The following TCF12 variants were observed in gnomAD, a reference collection of about 807,000 sequenced individuals.
TCF12 encodes DNA-binding protein HTF4.
TCF12 carries 45 observed loss-of-function variants against 86.0 expected under a neutral mutation model. The ratio of observed to expected loss-of-function variants is 0.52; its 90% CI spans 0.41 to 0.67. The LOEUF (loss-of-function observed/expected upper bound fraction) is 0.67, where lower values mean the gene tolerates loss of function less well. TCF12 is among the 30% of genes least tolerant of loss of function. The pLI is 0.00. For missense variants in TCF12, 881 were observed against 859.9 expected, an observed-to-expected ratio of 1.02 and a Z score of -0.31; for synonymous variants, 330 against 299.6, an observed-to-expected ratio of 1.10 and a Z score of -1.05.
chr15:57,052,147 C>T (rs1309940385), intron 3 of TCF12, among the ~76,000 whole-genome samples: 1 of 152,158 alleles, frequency 6.6e-6, no homozygotes, highest in Admixed American at 6.5e-5. Context: ...TATGTACACT[C>T]ATACATATAA....
intron 6 of TCF12, among the ~76,000 whole-genome samples, chr15:57,181,638 T>C (rs774225241): frequency 1.3e-5 from 2 of 152,164 alleles, no homozygotes; most frequent in African/African-American, 2.4e-5. Flanking sequence ...CTTACACTCA[T>C]CAAGTTCACA....
At chr15:57,246,451 C>T (rs1415620446) in intron 13 of TCF12, among the ~76,000 whole-genome samples, 1 of 152,114 alleles carries the variant, frequency 6.6e-6, no homozygotes, top group African/African-American at 2.4e-5. Context: ...GTTGTGAGGT[C>T]CTGGCCCCCT....
In TCF12 at chr15:57,232,405, G is replaced by T. The variant is rs756258773; in HGVS notation, c.800G>T (p.Gly267Val). 1 of 1,609,966 alleles carries T rather than the reference G, an allele frequency of 6.2e-7. No homozygotes were observed. Among genetic ancestry groups the T allele is most frequent in the African/African-American group, 1.3e-5 (1 of 74,586 alleles). ...TSHMSQSSSY[G>V]NLHSHDRLSY... is the part of the protein sequence containing the mutation. Reference sequence around the variant, plus strand: ...CACATGTCTCAATCCAGTAGTTATGGCAACCTTCATTCACATGACCGCTTG... The same window carrying T: ...CACATGTCTCAATCCAGTAGTTATGTCAACCTTCATTCACATGACCGCTTG... Residue 267 changes from glycine (G) to valine (V), a missense_variant, in exon 10 of 21, where the codon GGC becomes GTC. Around this residue, in one of 3 missense-constraint regions of TCF12, gnomAD observed 766 missense variants for 718.9 expected, o/e 1.07. Coordinates refer to ENST00000333725, the MANE Select transcript of TCF12 (RefSeq NM_207037.2).
Position 57,219,118 on chromosome 15 carries a change from A to T in TCF12, c.580-12034A>T, listed in dbSNP as rs2058458836. The T allele has an allele frequency of 2.8e-6, 3 of 1,061,890 alleles. No homozygotes were observed. The South Asian group carries it at 1.4e-4, about 48-fold the overall frequency. 65.8% of individuals were successfully genotyped at this position (1,061,890 alleles called of 1,614,324 possible). ...CCACAAGTGCTCTAATTTAATTAAA[A>T]CTAAAAACAGATTAGCAGAAAATCT... is the stretch of plus-strand genomic sequence containing the variant. On this transcript the variant is annotated intron_variant, in intron 8 of 20. Transcript: ENST00000333725.
At chr15:56,999,078 G>T (rs1204626189) in intron 3 of TCF12, among the ~76,000 whole-genome samples, 2 of 151,904 alleles carry the variant, frequency 1.3e-5, no homozygotes, top group Non-Finnish European at 2.9e-5. Flanking sequence ...GGCGCCTGTA[G>T]TCCCAGCTAA....
intron 3 of TCF12, among the ~76,000 whole-genome samples, chr15:56,930,320 A>G (rs1275496966): frequency 2.0e-5 from 3 of 152,232 alleles, no homozygotes; most frequent in Non-Finnish European, 4.4e-5. Flanking sequence ...TTTAAACAGT[A>G]GCGTGGTTTG....
intron 5 of TCF12, among the ~76,000 whole-genome samples, chr15:57,150,946 C>T (rs1430585589): frequency 7.2e-6 from 1 of 138,792 alleles, no homozygotes; most frequent in Non-Finnish European, 1.5e-5. Context: ...TTCTTCCCTT[C>T]CCCTCCCCTT....
intron 4 of TCF12, among the ~76,000 whole-genome samples, chr15:57,085,696 A>C (rs185495406): frequency 6.6e-6 from 1 of 152,196 alleles, no homozygotes. Context: ...CAGTAAGAAC[A>C]CTTTTCTCTC....
chr15:56,929,438 A>G, intron 3 of TCF12, among the ~76,000 whole-genome samples: 1 of 152,192 alleles, frequency 6.6e-6, no homozygotes, highest in Non-Finnish European at 1.5e-5. Context: ...ATTTTTAAAG[A>G]TACCCTTGAC....
chr15:57,019,023 G>T (rs888566838), intron 3 of TCF12, among the ~76,000 whole-genome samples: 3 of 152,152 alleles, frequency 2.0e-5, no homozygotes, highest in Non-Finnish European at 4.4e-5. Context: ...TGGTAAGAAA[G>T]TCAAGCCAAA....
intron 3 of TCF12, among the ~76,000 whole-genome samples, chr15:56,983,091 A>G (rs2062973948): frequency 6.6e-6 from 1 of 152,226 alleles, no homozygotes; most frequent in Admixed American, 6.5e-5. Context: ...TAGTAGTAGC[A>G]GTGAGAATAT....
chr15:57,195,017 C>CTCAG (rs2057181607), intron 7 of TCF12, among the ~76,000 whole-genome samples: 1 of 152,196 alleles, frequency 6.6e-6, no homozygotes, highest in Non-Finnish European at 1.5e-5. Flanking sequence ...AGTCTCCTGC[C>CTCAG]TCAGCCTCCC....
intron 3 of TCF12, among the ~76,000 whole-genome samples, chr15:56,973,002 G>T (rs2062414967): frequency 6.6e-6 from 1 of 152,128 alleles, no homozygotes; most frequent in Admixed American, 6.6e-5. Context: ...ACTATGTTCT[G>T]TGGTATACCA....
intron 8 of TCF12, among the ~76,000 whole-genome samples, chr15:57,202,202 T>G (rs1297465517): frequency 6.6e-6 from 1 of 152,192 alleles, no homozygotes; most frequent in Non-Finnish European, 1.5e-5. Flanking sequence ...CAACCTAACT[T>G]AATATCAAAC....
Position 57,251,397 on chromosome 15 carries a change from A to G in TCF12, c.1162A>G (p.Ser388Gly), listed in dbSNP as rs1470638082. The G allele has an allele frequency of 4.3e-6, 7 of 1,613,830 alleles. No homozygotes were observed. Among genetic ancestry groups the G allele is most frequent in the African/African-American group, 1.3e-5 (1 of 74,898 alleles). ...TGGAGGGCAAGCACCTTCATCCCCA[A>G]GCTATGAAAACTCACTCCACTCCCT... Reference protein sequence around the residue: ...RPGGQAPSSPSYENSLHSLKN... With the variant: ...RPGGQAPSSPGYENSLHSLKN... The change falls in exon 14 of 21, where the codon AGC becomes GGC. Residue 388 changes from serine to glycine, a missense_variant. By Grantham distance (56) the Ser-to-Gly change is moderately conservative. Around this residue, in one of 3 missense-constraint regions of TCF12, gnomAD observed 766 missense variants for 718.9 expected, o/e 1.07. Transcript: ENST00000333725.
At chr15:56,982,661 C>CT (rs1245563991) in intron 3 of TCF12, among the ~76,000 whole-genome samples, 1 of 152,160 alleles carries the variant, frequency 6.6e-6, no homozygotes, top group East Asian at 1.9e-4. Flanking sequence ...GTAAACCATA[C>CT]TTTAATCTTT....
At chr15:57,278,178 A>G (rs2061492801) in intron 19 of TCF12, among the ~76,000 whole-genome samples, 1 of 152,088 alleles carries the variant, frequency 6.6e-6, no homozygotes, top group South Asian at 2.1e-4. Context: ...CTTTAACCAA[A>G]TAAGTGCATA....
At chr15:57,167,708 T>C (rs1476625645) in intron 6 of TCF12, among the ~76,000 whole-genome samples, 1 of 152,192 alleles carries the variant, frequency 6.6e-6, no homozygotes, top group Admixed American at 6.5e-5. Context: ...TCTGAATAAG[T>C]GATTTGTTAA....
chr15:56,966,198 T>G (rs936121474), intron 3 of TCF12, among the ~76,000 whole-genome samples: 15 of 151,976 alleles, frequency 9.9e-5, no homozygotes, highest in African/African-American at 3.6e-4. Context: ...GTTGCCCTAT[T>G]TTTTTTGGCT....
Sources: allele counts gnomAD v4.1 joint callset (sites outside exome capture counted in the v4.1 genomes callset), GRCh38; gene constraint gnomAD v4.1.1; regional missense constraint gnomAD v4.1.1; transcripts MANE v1.5; gene names NCBI Gene and HGNC (gene_info 2026-07-23, HGNC 2026-07-21).